The following TRMT44 variants were observed in gnomAD, a reference collection of about 807,000 sequenced individuals.
The protein encoded by TRMT44 is tRNA methyltransferase 44 homolog.
A neutral mutation model predicts 77.3 loss-of-function variants in TRMT44; 78 were observed. The ratio of observed to expected loss-of-function variants is 1.01; its 90% CI spans 0.84 to 1.22. The LOEUF is 1.22. Among genes scored for constraint, TRMT44 ranks in the 50% most tolerant of loss-of-function variants. The pLI is 0.00. For missense variants in TRMT44, 1,090 were observed against 964.4 expected (o/e 1.13, Z -1.73); for synonymous variants, 391 against 383.3 (o/e 1.02, Z -0.23).
chr4:8,502,595 C>T, the TRMT44 span, among the ~76,000 whole-genome samples: 4 of 152,292 alleles, frequency 2.6e-5, no homozygotes, highest in East Asian at 1.9e-4. Flanking sequence ...TGGCAGTATT[C>T]GATTCCTTGC....
the TRMT44 span, among the ~76,000 whole-genome samples, chr4:8,506,565 G>A: frequency 6.6e-6 from 1 of 152,210 alleles, no homozygotes; most frequent in Non-Finnish European, 1.5e-5. Context: ...GGGTCCCTGT[G>A]TGACCTGGGC....
At chr4:8,511,196 A>C in the TRMT44 span, among the ~76,000 whole-genome samples, 8 of 152,234 alleles carry the variant, frequency 5.3e-5, no homozygotes, top group East Asian at 7.7e-4. Flanking sequence ...CGTGAGCTTT[A>C]ATAACAGTGA....
At chr4:8,442,868 T>A (rs1724837098) in intron 1 of TRMT44, among the ~76,000 whole-genome samples, 1 of 152,218 alleles carries the variant, frequency 6.6e-6, no homozygotes, top group Non-Finnish European at 1.5e-5. Context: ...CAGAGAAAAT[T>A]CTCTGCTCTT....
rs750519976 is a variant in TRMT44 at position 8,446,068 on chromosome 4, C to T, written c.620-408C>T. Among the ~76,000 whole-genome samples the T allele has an allele frequency of 2.0e-5, 3 of 152,240 alleles. No homozygotes were observed. Among genetic ancestry groups the T allele is most frequent in the Non-Finnish European group, 4.4e-5 (3 of 68,050 alleles). On this transcript the variant is annotated intron_variant, in intron 1 of 10. Transcript: ENST00000389737. This position sits in a 1 kb window ranked among gnomAD's most constrained non-coding sequence, Gnocchi z 4.3. ...GAAGGCCTGGACTGATATCCGCTTT[C>T]CTGAACTGGCCTCTGATGGCTGAGC...
downstream of TRMT44, among the ~76,000 whole-genome samples, chr4:8,481,155 CT>C (rs2109213557): frequency 6.6e-6 from 1 of 152,312 alleles, no homozygotes; most frequent in East Asian, 1.9e-4. Context: ...TGAACATTTC[CT>C]TTCTATCAAT....
At chr4:8,470,715 G>C (rs1224101530) in intron 9 of TRMT44, among the ~76,000 whole-genome samples, 1 of 151,940 alleles carries the variant, frequency 6.6e-6, no homozygotes, top group Non-Finnish European at 1.5e-5. Flanking sequence ...TTGCCAGCTT[G>C]GCCTTCCTTC....
At chr4:8,454,860 C>T (rs370658679) in intron 6 of TRMT44, 47 bp downstream of exon 6, 3 of 1,560,680 alleles carry the variant, frequency 1.9e-6, no homozygotes, top group African/African-American at 2.7e-5. Context: ...TGGCTTAGCT[C>T]CCAGTGGGAA....
At chr4:8,450,073 T>C (rs62287383) in intron 3 of TRMT44, among the ~76,000 whole-genome samples, 185 bp downstream of exon 3, 4,132 of 151,054 alleles carry the variant, frequency 0.027, 70 homozygotes, top group South Asian at 0.041. Flanking sequence ...TTCAAGAGAT[T>C]CTCCTGCCTC....
intron 7 of TRMT44, 115 bp downstream of exon 7, chr4:8,464,206 G>A: frequency 1.4e-6 from 1 of 695,796 alleles, no homozygotes; most frequent in African/African-American, 1.8e-5. Flanking sequence ...TTGAAATGTG[G>A]GTAGTTCCAA....
At chr4:8,498,554 A>C in the TRMT44 span, among the ~76,000 whole-genome samples, 4 of 152,166 alleles carry the variant, frequency 2.6e-5, no homozygotes, top group East Asian at 7.7e-4. The surrounding 1 kb of genome is among the most constrained non-coding windows in gnomAD (Gnocchi z 4.3). Flanking sequence ...AGAGAGGGGC[A>C]GCGATTTTCT....
In TRMT44 at chr4:8,462,240, C is replaced by T. The variant is rs112629490; in HGVS notation, c.1204-1745C>T. Among the ~76,000 whole-genome samples, 556 of 151,828 alleles carry T rather than the reference C, an allele frequency of 3.7e-3. 4 individuals are homozygous for T. Among genetic ancestry groups the T allele is most frequent in the African/African-American group, 0.013 (527 of 41,372 alleles). The stretch of plus-strand genomic sequence containing the variant: ...AGCCTGACCAACATGGAGAAACCCC[C>T]GTCTCTACTAAAAATACAAAATTAG... On this transcript the variant is annotated intron_variant, in intron 6 of 10. Coordinates refer to ENST00000389737, the MANE Select transcript of TRMT44 (RefSeq NM_152544.3).
intron 1 of TRMT44, among the ~76,000 whole-genome samples, chr4:8,442,169 C>T (rs904612237): frequency 3.3e-5 from 5 of 152,182 alleles, no homozygotes; most frequent in Non-Finnish European, 5.9e-5. Flanking sequence ...ATGGGAACAT[C>T]ATGACAATAA....
chr4:8,499,124 A>T, the TRMT44 span, among the ~76,000 whole-genome samples: 1 of 152,086 alleles, frequency 6.6e-6, no homozygotes, highest in Non-Finnish European at 1.5e-5. Context: ...CAGGAGCTTC[A>T]GAGTGTGGCC....
At chr4:8,494,235 TCA>T (rs1371389204), downstream of TRMT44, among the ~76,000 whole-genome samples, 2 of 152,030 alleles carry the variant, frequency 1.3e-5, no homozygotes, top group Non-Finnish European at 2.9e-5. Flanking sequence ...CATACCTCCC[TCA>T]CAATTTGTTC....
intron 10 of TRMT44, among the ~76,000 whole-genome samples, chr4:8,474,694 C>G (rs557015016): frequency 6.6e-6 from 1 of 152,332 alleles, no homozygotes; most frequent in African/African-American, 2.4e-5. Flanking sequence ...TTCCCCCGAG[C>G]CTTCTGTCGT....
At chr4:8,459,053 T>A (rs1245078453) in intron 6 of TRMT44, among the ~76,000 whole-genome samples, 4 of 150,770 alleles carry the variant, frequency 2.7e-5, no homozygotes, top group African/African-American at 4.9e-5. Flanking sequence ...AAAAAAAAAA[T>A]TAGCTGGACA....
At chr4:8,454,251 G>A (rs1725643869) in intron 5 of TRMT44, among the ~76,000 whole-genome samples, 1 of 152,158 alleles carries the variant, frequency 6.6e-6, no homozygotes, top group Non-Finnish European at 1.5e-5. Context: ...TCAACTCCAT[G>A]TCCCATCTTG....
the TRMT44 span, among the ~76,000 whole-genome samples, chr4:8,500,186 C>A: frequency 6.6e-6 from 1 of 152,072 alleles, no homozygotes; most frequent in Non-Finnish European, 1.5e-5. Context: ...TGAAGTGAGA[C>A]TCTGTCTCTA....
At chr4:8,511,322 C>T in the TRMT44 span, among the ~76,000 whole-genome samples, 7 of 152,198 alleles carry the variant, frequency 4.6e-5, no homozygotes, top group Non-Finnish European at 8.8e-5. Context: ...TGTGGAGGTG[C>T]TTCCCTTCTC....
Sources: allele counts gnomAD v4.1 joint callset (sites outside exome capture counted in the v4.1 genomes callset), GRCh38; gene constraint gnomAD v4.1.1; non-coding constraint Gnocchi (gnomAD v3.1); transcripts MANE v1.5; gene names NCBI Gene and HGNC (gene_info 2026-07-23, HGNC 2026-07-21).